SAMD3: variants seen among roughly 807,000 people sequenced by gnomAD.
The protein encoded by SAMD3 is sterile alpha motif domain-containing protein 3.
SAMD3 carries 63 observed loss-of-function variants against 58.5 expected under a neutral mutation model. That is an observed-to-expected ratio of 1.08 (90% CI 0.88 to 1.33). The LOEUF (loss-of-function observed/expected upper bound fraction) is 1.33. SAMD3 is among the 40% of genes most tolerant of loss of function. The pLI is 0.00. For synonymous variants in SAMD3, 220 were observed against 210.3 expected (o/e 1.05, Z -0.40); for missense variants, 604 against 608.4 (o/e 0.99, Z 0.08).
chr6:130,215,185 A>G lies in SAMD3; in HGVS notation c.79+10T>C. 6.6e-7 allele frequency: 1 copy of G among 1,521,654 alleles called. No homozygotes were observed. The highest frequency in any genetic ancestry group is 1.7e-5 in the Admixed American group (1 of 58,690). The allele number at this position is 1,521,654 out of a possible 1,614,324, so 94.3% of individuals were successfully genotyped here. A position where few individuals can be genotyped will look rare whatever the true frequency, so the allele number is the denominator to read the frequency against. On this transcript the variant is annotated intron_variant, in intron 3 of 11. Transcript: ENST00000439090. ...TCAATTAAAATTTTTGGAAAGCATA[A>G]ACAACTCACCTTGAAATCTATGAAC...
At chr6:130,187,019 C>G (rs1793062393) in intron 5 of SAMD3, among the ~76,000 whole-genome samples, 1 of 152,092 alleles carries the variant, frequency 6.6e-6, no homozygotes, top group South Asian at 2.1e-4. Flanking sequence ...ATCTGCCCAC[C>G]TTGGCCTCCC....
chr6:130,181,178 C>T (rs1055620787), intron 7 of SAMD3, among the ~76,000 whole-genome samples: 3 of 151,962 alleles, frequency 2.0e-5, no homozygotes, highest in Non-Finnish European at 4.4e-5. Flanking sequence ...AACTCCTGAC[C>T]TCAGGTGATC....
intron 8 of SAMD3, among the ~76,000 whole-genome samples, chr6:130,173,255 G>A (rs1294967319): frequency 6.6e-6 from 1 of 152,194 alleles, no homozygotes; most frequent in Non-Finnish European, 1.5e-5. Flanking sequence ...TCATTTGGAG[G>A]AGAAGAGGAA....
chr6:130,345,074 C>G (rs966746075), intron 1 of SAMD3, among the ~76,000 whole-genome samples: 2 of 152,102 alleles, frequency 1.3e-5, no homozygotes, highest in African/African-American at 4.8e-5. Flanking sequence ...TTCTGAACCT[C>G]TTAAGGTGGG....
At chr6:130,251,526 C>T (rs976467978) in intron 2 of SAMD3, among the ~76,000 whole-genome samples, 2 of 151,868 alleles carry the variant, frequency 1.3e-5, no homozygotes, top group African/African-American at 4.8e-5. Context: ...ATATTTAGGT[C>T]TTTTATCTAT....
Position 130,144,804 on chromosome 6 carries a change from C to T in SAMD3, c.1279G>A (p.Val427Met), listed in dbSNP as rs772759044. 1.2e-6 allele frequency: 2 copies of T among 1,602,168 alleles called. No individual in the cohort carries two copies. Among genetic ancestry groups the T allele is most frequent in the Non-Finnish European group, 1.7e-6 (2 of 1,175,962 alleles). Residue 427 changes from valine to methionine, a missense_variant and splice_region_variant, in exon 12 of 12, where the codon GTG (valine) becomes ATG (methionine). Transcript: ENST00000439090. The part of the protein sequence containing the change: ...PSLFVIMNEQ[V>M]QVSTPVLEVK... Reference sequence around the variant, plus strand: ...TCCAACACAGGTGTGGACACTTGCACCTGAAAAAAAGAGTGGAGTCATTAC... The same window carrying T: ...TCCAACACAGGTGTGGACACTTGCATCTGAAAAAAAGAGTGGAGTCATTAC...
intron 2 of SAMD3, among the ~76,000 whole-genome samples, chr6:130,268,941 C>G (rs1774457521): frequency 6.6e-6 from 1 of 152,170 alleles, no homozygotes; most frequent in African/African-American, 2.4e-5. Flanking sequence ...ATATTTTGCT[C>G]AGCAAAAGTT....
chr6:130,221,547 T>C (rs1035930814), intron 1 of SAMD3: 4 of 152,210 alleles, frequency 2.6e-5, no homozygotes, highest in African/African-American at 7.2e-5. Context: ...ATATATATTA[T>C]ATACAGTACT....
chr6:130,257,514 C>T (rs72986550), intron 2 of SAMD3, among the ~76,000 whole-genome samples: 12 of 152,064 alleles, frequency 7.9e-5, no homozygotes, highest in Non-Finnish European at 1.8e-4. Flanking sequence ...ATAAGAAAAC[C>T]CATAAGTCAG....
At chr6:130,237,111 T>A (rs982276891) in intron 2 of SAMD3, among the ~76,000 whole-genome samples, 3 of 152,200 alleles carry the variant, frequency 2.0e-5, no homozygotes, top group Non-Finnish European at 2.9e-5. Context: ...AAAATAAAGC[T>A]GTGCTGATTT....
intron 1 of SAMD3, among the ~76,000 whole-genome samples, chr6:130,363,836 G>C (rs1329330528): frequency 1.3e-5 from 2 of 152,178 alleles, no homozygotes; most frequent in Non-Finnish European, 2.9e-5. Context: ...AGTGCTACTT[G>C]ATGGCGAGAA....
intron 2 of SAMD3, among the ~76,000 whole-genome samples, chr6:130,252,736 A>G (rs552347040): frequency 2.6e-5 from 4 of 152,208 alleles, no homozygotes; most frequent in Non-Finnish European, 5.9e-5. Flanking sequence ...CAACCAAAAC[A>G]GCTGTCCACT....
intron 2 of SAMD3, among the ~76,000 whole-genome samples, chr6:130,268,178 T>C (rs979187589): frequency 5.3e-5 from 8 of 152,196 alleles, no homozygotes; most frequent in South Asian, 2.1e-4. Flanking sequence ...GTTTGTGTCT[T>C]AGTTTTTAAC....
intron 1 of SAMD3, among the ~76,000 whole-genome samples, chr6:130,341,804 A>G (rs961250064): frequency 6.6e-6 from 1 of 152,160 alleles, no homozygotes; most frequent in Non-Finnish European, 1.5e-5. Context: ...AAAGGATGAC[A>G]TTTCACCGTG....
At chr6:130,169,860 T>C (rs879529140) in intron 8 of SAMD3, among the ~76,000 whole-genome samples, 2 of 152,166 alleles carry the variant, frequency 1.3e-5, no homozygotes, top group Non-Finnish European at 2.9e-5. Flanking sequence ...TGGGGACAAC[T>C]GCTGGGGACA....
chr6:130,299,428 A>ACAAAT (rs1775673638), intron 2 of SAMD3, among the ~76,000 whole-genome samples: 1 of 152,194 alleles, frequency 6.6e-6, no homozygotes, highest in Non-Finnish European at 1.5e-5. Context: ...ATGAGAATGG[A>ACAAAT]GACACAACAC....
intron 1 of SAMD3, among the ~76,000 whole-genome samples, chr6:130,329,489 T>C (rs1050228919): frequency 1.3e-5 from 2 of 152,162 alleles, no homozygotes; most frequent in Non-Finnish European, 2.9e-5. Flanking sequence ...ATTTCAACCA[T>C]TGTGGAAGAC....
intron 2 of SAMD3, among the ~76,000 whole-genome samples, chr6:130,242,638 T>C (rs764754679): frequency 1.8e-4 from 27 of 152,186 alleles, no homozygotes; most frequent in Non-Finnish European, 3.4e-4. Context: ...TGTAAAGATC[T>C]GGGAAGAACA....
intron 2 of SAMD3, among the ~76,000 whole-genome samples, chr6:130,299,772 C>A (rs62433896): frequency 0.17 from 25,633 of 152,014 alleles, 2,417 homozygotes; most frequent in East Asian, 0.36. Flanking sequence ...ACAGAGGTAG[C>A]ACTAGCATTA....
Sources: gnomAD v4.1 joint callset for allele counts (sites outside exome capture counted in the v4.1 genomes callset) on GRCh38, gnomAD v4.1.1 for gene constraint, MANE v1.5 for transcripts, NCBI Gene and HGNC (gene_info 2026-07-23, HGNC 2026-07-21) for gene names.